PRSS1: variants seen among roughly 807,000 people sequenced by gnomAD.
PRSS1 encodes serine protease 1.
Under a neutral mutation model 24.2 loss-of-function variants are expected in PRSS1, and 22 were observed. That is an observed-to-expected ratio of 0.91 (90% CI 0.65 to 1.30). The LOEUF (loss-of-function observed/expected upper bound fraction) is 1.30, where lower values mean the gene tolerates loss of function less well. Ranked by LOEUF, PRSS1 falls within the 50% of genes most tolerant of loss-of-function variation. The pLI is 0.00. For synonymous variants in PRSS1, 126 were observed against 116.1 expected (o/e 1.08, Z -0.55); for missense variants, 366 against 304.2 (o/e 1.20, Z -1.51).
chr7:142,749,935 CTGGGGTAGAGCT>C, intron 1 of PRSS1, among the ~76,000 whole-genome samples: 1 of 152,330 alleles, frequency 6.6e-6, no homozygotes, highest in South Asian at 2.1e-4. Flanking sequence ...CTTCAATTGT[CTGGGGTAGAGCT>C]TGTGTTCTGG....
intron 2 of PRSS1, 31 bp downstream of exon 2, chr7:142,750,745 C>G: frequency 1.9e-6 from 3 of 1,613,738 alleles, no homozygotes; most frequent in Non-Finnish European, 2.5e-6. Context: ...TGCAAAGCTC[C>G]CGGCCAGTCT....
At position 142,752,614 on chromosome 7, in the gene PRSS1, G is replaced by A. The variant is rs757068691; in HGVS notation, c.591+47G>A. The stretch of plus-strand genomic sequence containing the variant: ...ATGCTGAGGCTCCCACTGATACCTA[G>A]GCCCCACCAGGGAAAAGGATTTGAA... On this transcript the variant is annotated intron_variant, in intron 4 of 4. Transcript: ENST00000311737. The A allele has an allele frequency of 3.1e-6, 5 of 1,613,872 alleles. No homozygotes were observed. The South Asian group carries it at 4.4e-5, about 14-fold the overall frequency.
intron 1 of PRSS1, 131 bp downstream of exon 1, chr7:142,749,655 C>G: frequency 8.0e-7 from 1 of 1,249,734 alleles, no homozygotes; most frequent in Non-Finnish European, 1.2e-6. Context: ...GGCATATCTC[C>G]TTCCCATCCT....
In PRSS1 at chr7:142,751,814, C is replaced by A; in HGVS notation, c.241C>A (p.Leu81Met). The change falls in exon 3 of 5, where the codon CTG becomes ATG. Residue 81 changes from leucine (L) to methionine (M), a missense_variant. Coordinates refer to ENST00000311737, the MANE Select transcript of PRSS1 (RefSeq NM_002769.5). Reference sequence around the variant, plus strand: ...ACTGGGAGAGCACAACATCGAAGTCCTGGAGGGGAATGAGCAGTTCATCAA... The same window carrying A: ...ACTGGGAGAGCACAACATCGAAGTCATGGAGGGGAATGAGCAGTTCATCAA... ...VRLGEHNIEV[L>M]EGNEQFINAA... 6.2e-7 allele frequency: 1 copy of A among 1,614,156 alleles called. No individual in the cohort carries two copies. Among genetic ancestry groups the A allele is most frequent in the Non-Finnish European group, 8.5e-7 (1 of 1,180,016 alleles).
Position 142,751,937 on chromosome 7 carries a change from C to T in PRSS1, c.364C>T (p.Arg122Cys), listed in dbSNP as rs111033568. 2.8e-5 allele frequency: 45 copies of T among 1,613,930 alleles called. No homozygotes were observed. Among genetic ancestry groups the T allele is most frequent in the Non-Finnish European group, 3.5e-5 (41 of 1,180,008 alleles). The change falls in exon 3 of 5, where the codon CGC becomes TGC. Residue 122 changes from arginine to cysteine, a missense_variant. By Grantham distance (180) the Arg-to-Cys change is radical. Coordinates refer to ENST00000311737, the MANE Select transcript of PRSS1 (RefSeq NM_002769.5). ...CTCCTCACGTGCAGTAATCAACGCC[C>T]GCGTGTCCACCATCTCTCTGCCCAC... is the stretch of plus-strand genomic sequence containing the variant. ...KLSSRAVINA[R>C]VSTISLPTAP...
chr7:142,750,454 G>T, intron 1 of PRSS1, 101 bp from the exon 2 acceptor site: 1 of 1,590,162 alleles, frequency 6.3e-7, no homozygotes, highest in South Asian at 1.1e-5. Context: ...GCCTCACTGT[G>T]CTTGTTAAGG....
chr7:142,750,887 C>T (rs777746896), intron 2 of PRSS1, 173 bp downstream of exon 2: 35 of 962,206 alleles, frequency 3.6e-5, no homozygotes, highest in Non-Finnish European at 4.9e-5. Context: ...AGACAGGAAC[C>T]TCTCACACCC....
At chr7:142,752,631 G>C in intron 4 of PRSS1, 64 bp downstream of exon 4, 1 of 1,488,690 alleles carries the variant, frequency 6.7e-7, no homozygotes, top group Non-Finnish European at 9.2e-7. Context: ...CCAGGGAAAA[G>C]GATTTGAACT....
At chr7:142,752,622 C>A (rs1798846116) in intron 4 of PRSS1, 55 bp downstream of exon 4, 29 of 1,613,444 alleles carry the variant, frequency 1.8e-5, no homozygotes, top group Non-Finnish European at 2.4e-5. Flanking sequence ...TAGGCCCCAC[C>A]AGGGAAAAGG....
At position 142,752,980 on chromosome 7, in the gene PRSS1, A is replaced by C; in HGVS notation, c.704A>C (p.Tyr235Ser). 2 of 1,613,744 alleles carry C rather than the reference A, an allele frequency of 1.2e-6. No homozygotes were observed. Among genetic ancestry groups the C allele is most frequent in the Non-Finnish European group, 1.7e-6 (2 of 1,179,912 alleles). The change falls in exon 5 of 5, where the codon TAT becomes TCT. Residue 235 changes from tyrosine to serine, a missense_variant. Physicochemically the swap from Tyr to Ser is moderately radical, Grantham distance 144. Transcript: ENST00000311737. ...GGAGTCTACACCAAGGTCTACAACT[A>C]TGTGAAATGGATTAAGAACACCATA... Reference protein sequence around the residue: ...KPGVYTKVYNYVKWIKNTIAA... With the variant: ...KPGVYTKVYNSVKWIKNTIAA...
At chr7:142,749,790 C>T (rs796525846) in intron 1 of PRSS1, among the ~76,000 whole-genome samples, 13 of 152,070 alleles carry the variant, frequency 8.5e-5, no homozygotes, top group South Asian at 2.1e-4. Flanking sequence ...GGCTGTCCCA[C>T]GAAATGAAGC....
Position 142,750,711 on chromosome 7 carries a change from A to T in PRSS1, c.197A>T (p.Lys66Met). Residue 66 changes from lysine (K) to methionine (M), a missense_variant, in exon 2 of 5, where the codon AAG becomes ATG. Lys to Met is a moderately conservative substitution (Grantham distance 95). Coordinates refer to ENST00000311737, the MANE Select transcript of PRSS1 (RefSeq NM_002769.5). ...QWVVSAGHCY[K>M]SRIQVRLGEH... is the part of the protein sequence containing the mutation. ...GTGGTATCAGCAGGCCACTGCTACA[A>T]GTCGTAAGTGTGGGGCCCCCGACTG... 6.2e-7 allele frequency: 1 copy of T among 1,613,872 alleles called. No individual in the cohort carries two copies. The highest frequency in any genetic ancestry group is 8.5e-7 in the Non-Finnish European group (1 of 1,179,834).
At chr7:142,752,801 G>T in intron 4 of PRSS1, 67 bp from the exon 5 acceptor site, 4 of 1,585,076 alleles carry the variant, frequency 2.5e-6, no homozygotes, top group South Asian at 2.2e-5. Context: ...GTCTTTTAAG[G>T]TTCAGAGTAA....
intron 2 of PRSS1, chr7:142,751,086 T>C: frequency 1.4e-6 from 1 of 702,080 alleles, no homozygotes. Flanking sequence ...AAGTCAAAAT[T>C]TTCAGGAAGA....
At chr7:142,751,538 G>A in intron 2 of PRSS1, 1 of 682,352 alleles carries the variant, frequency 1.5e-6, no homozygotes, top group Non-Finnish European at 2.4e-6. Flanking sequence ...GCAGCCTCTG[G>A]TGGGATCCCT....
In PRSS1 at chr7:142,752,573, T is replaced by C; in HGVS notation, c.591+6T>C. The stretch of plus-strand genomic sequence containing the variant: ...GAGGCAAGGATTCATGTCAGGTGAT[T>C]TGACCAACCCTTCCCATGCTGAGGC... On this transcript the variant is annotated splice_donor_region_variant and intron_variant, in intron 4 of 4. Transcript: ENST00000311737. 1 of 1,614,170 alleles carries C rather than the reference T, an allele frequency of 6.2e-7. No homozygotes were observed. The highest frequency in any genetic ancestry group is 8.5e-7 in the Non-Finnish European group (1 of 1,180,010).
At chr7:142,752,388 A>T (rs1283460225) in intron 3 of PRSS1, 43 bp from the exon 4 acceptor site, 3 of 1,608,592 alleles carry the variant, frequency 1.9e-6, no homozygotes, top group Non-Finnish European at 2.6e-6. Context: ...CTCTGGCCTG[A>T]CCCACATTTC....
In PRSS1 at chr7:142,753,029, G is replaced by T. The variant is rs756416791; in HGVS notation, c.*9G>T. 4.5e-6 allele frequency: 7 copies of T among 1,564,514 alleles called. No individual in the cohort carries two copies. The East Asian group carries it at 1.6e-4, about 36-fold the overall frequency. ...TAGCTGCCAATAGCTAAAGCCCCCA[G>T]TATCTCTTCAGTCTCTATACCAATA... On this transcript the variant is annotated 3_prime_UTR_variant, in exon 5 of 5. Transcript: ENST00000311737.
Position 142,752,886 on chromosome 7 carries a change from G to A in PRSS1, c.610G>A (p.Val204Met), listed in dbSNP as rs1563263032. 12 of 1,614,172 alleles carry A rather than the reference G, an allele frequency of 7.4e-6. No individual in the cohort carries two copies. Among genetic ancestry groups the A allele is most frequent in the East Asian group, 4.5e-5 (2 of 44,884 alleles). The change falls in exon 5 of 5, where the codon GTG becomes ATG. Residue 204 changes from valine to methionine, a missense_variant. Coordinates refer to ENST00000311737, the MANE Select transcript of PRSS1 (RefSeq NM_002769.5). ...CCCCCAGGGTGATTCTGGTGGCCCT[G>A]TGGTCTGCAATGGACAGCTCCAAGG... ...DSCQGDSGGP[V>M]VCNGQLQGVV...
Sources: gnomAD v4.1 joint callset for allele counts (sites outside exome capture counted in the v4.1 genomes callset) on GRCh38, gnomAD v4.1.1 for gene constraint, MANE v1.5 for transcripts, NCBI Gene and HGNC (gene_info 2026-07-23, HGNC 2026-07-21) for gene names.